Variants in KIAA0232 observed in about 807,000 individuals in gnomAD.
KIAA0232 encodes the protein KIAA0232.
A neutral mutation model predicts 122.0 loss-of-function variants in KIAA0232; 27 were observed. That is an observed-to-expected ratio of 0.22 (90% CI 0.16 to 0.31). KIAA0232 has a LOEUF of 0.31. Ranked by LOEUF, KIAA0232 falls within the 10% of genes least tolerant of loss-of-function variation. The pLI, the probability that KIAA0232 is intolerant of heterozygous loss-of-function variation, is 1.00. For missense variants in KIAA0232, 1,551 were observed against 1,634.2 expected, an observed-to-expected ratio of 0.95 and a Z score of 0.88; for synonymous variants, 613 against 587.6, an observed-to-expected ratio of 1.04 and a Z score of -0.63.
intron 2 of KIAA0232, among the ~76,000 whole-genome samples, chr4:6,820,334 T>C (rs1264371508): frequency 6.6e-6 from 1 of 152,218 alleles, no homozygotes; most frequent in Non-Finnish European, 1.5e-5. Flanking sequence ...CTGGCATGTT[T>C]AGGCTACATC....
intron 9 of KIAA0232, among the ~76,000 whole-genome samples, chr4:6,878,875 C>T (rs185294966): frequency 3.3e-5 from 5 of 152,286 alleles, no homozygotes; most frequent in Admixed American, 3.3e-4. Context: ...TCCTGCTGCC[C>T]ACTGACCTGT....
intron 1 of KIAA0232, among the ~76,000 whole-genome samples, chr4:6,792,317 T>C (rs1372528027): frequency 6.6e-6 from 1 of 152,208 alleles, no homozygotes; most frequent in African/African-American, 2.4e-5. Context: ...AACACAGTGC[T>C]ACAGTAAACA....
chr4:6,840,988 A>C (rs1719627624), intron 3 of KIAA0232, among the ~76,000 whole-genome samples: 1 of 152,224 alleles, frequency 6.6e-6, no homozygotes, highest in South Asian at 2.1e-4. Flanking sequence ...AAGCCTTAAA[A>C]AAACAGCATG....
At chr4:6,824,948 T>C (rs1718602949) in intron 3 of KIAA0232, among the ~76,000 whole-genome samples, 1 of 152,262 alleles carries the variant, frequency 6.6e-6, no homozygotes, top group Non-Finnish European at 1.5e-5. Context: ...GATCTTGTCA[T>C]GGACTGGTCA....
intron 2 of KIAA0232, among the ~76,000 whole-genome samples, chr4:6,821,129 G>A (rs1718401667): frequency 6.6e-6 from 1 of 152,216 alleles, no homozygotes; most frequent in Non-Finnish European, 1.5e-5. Flanking sequence ...TAAATCCATA[G>A]CATTTGCTGG....
At chr4:6,876,113 G>C (rs1225095506) in intron 8 of KIAA0232, among the ~76,000 whole-genome samples, 2 of 152,176 alleles carry the variant, frequency 1.3e-5, no homozygotes, top group African/African-American at 4.8e-5. Context: ...GGAATCGCTA[G>C]CACCATTTCT....
chr4:6,818,745 C>A (rs1178113573), intron 2 of KIAA0232, among the ~76,000 whole-genome samples: 1 of 151,092 alleles, frequency 6.6e-6, no homozygotes, highest in African/African-American at 2.4e-5. Flanking sequence ...TCGTGTGGAA[C>A]CAAAAAACAG....
chr4:6,857,649 A>G (rs1397018643), intron 5 of KIAA0232, among the ~76,000 whole-genome samples: 3 of 152,338 alleles, frequency 2.0e-5, no homozygotes, highest in Admixed American at 6.5e-5. Flanking sequence ...CATTAAATTA[A>G]GATGTTAAGA....
intron 2 of KIAA0232, among the ~76,000 whole-genome samples, chr4:6,809,620 G>GAAAAGAGGAGGTCAAATTAT (rs1165865651): frequency 1.6e-5 from 2 of 121,360 alleles, no homozygotes; most frequent in Non-Finnish European, 3.6e-5. Context: ...ATCCAAATTA[G>GAAAAGAGGAGGTCAAATTAT]AAAAGAGGAG....
chr4:6,858,503 A>G lies in KIAA0232; in HGVS notation c.515A>G (p.Glu172Gly). The change falls in exon 6 of 10, where the codon GAA becomes GGA. Residue 172 changes from glutamate (E) to glycine (G), a missense_variant. By Grantham distance (98) the Glu-to-Gly change is moderately conservative (BLOSUM62 -2). This residue lies in a region of KIAA0232 where 377 missense variants were observed against 381.7 expected (regional missense o/e 0.99). Coordinates refer to ENST00000307659, the MANE Select transcript of KIAA0232 (RefSeq NM_014743.3). Reference sequence around the variant, plus strand: ...TCCCCTCCAGCAAAGGATCAAGTGGAAATGTATGTAAGATTGTATTCGGTA... The same window carrying G: ...TCCCCTCCAGCAAAGGATCAAGTGGGAATGTATGTAAGATTGTATTCGGTA... Reference protein sequence around the residue: ...ELSPPAKDQVEMYYEAFPPLS... With the variant: ...ELSPPAKDQVGMYYEAFPPLS... 6.3e-7 allele frequency: 1 copy of G among 1,593,796 alleles called. No homozygotes were observed. The highest frequency in any genetic ancestry group is 8.6e-7 in the Non-Finnish European group (1 of 1,164,958).
intron 2 of KIAA0232, among the ~76,000 whole-genome samples, chr4:6,808,532 A>G (rs533651491): frequency 6.6e-6 from 1 of 150,664 alleles, no homozygotes; most frequent in African/African-American, 2.4e-5. Flanking sequence ...GTTGCTTTAC[A>G]TAAGGCGAAA....
chr4:6,805,924 ATTT>A (rs897900102), intron 2 of KIAA0232, among the ~76,000 whole-genome samples: 1 of 151,912 alleles, frequency 6.6e-6, no homozygotes, highest in African/African-American at 2.4e-5. Context: ...TTTTCCAACA[ATTT>A]TTCCAAAAGC....
intron 9 of KIAA0232, among the ~76,000 whole-genome samples, chr4:6,880,365 C>T (rs1056338550): frequency 6.7e-6 from 1 of 148,474 alleles, no homozygotes; most frequent in African/African-American, 2.5e-5. Context: ...CCAACACACC[C>T]GTCTGCAGTG....
rs199816139 is a variant in KIAA0232, at chr4:6,863,446, C to T, written c.3064C>T (p.Leu1022=). ...TTCTTTTATCTTCCATGAAGACTTA[C>T]TAGGAGCTTGTGGCAACTTTCAAGT... ...GFSFIFHEDL[L]GACGNFQVED... Residue 1022 remains leucine (L), a synonymous_variant, in exon 7 of 10, where the codon CTA becomes TTA. Transcript: ENST00000307659. The T allele has an allele frequency of 3.2e-5, 51 of 1,614,156 alleles. No individual in the cohort carries two copies. In the African/African-American group the frequency reaches 6.1e-4, roughly 19 times the overall value.
Position 6,863,991 on chromosome 4 carries a change from A to C in KIAA0232, c.3609A>C (p.Ser1203=). The change falls in exon 7 of 10, where the codon TCA becomes TCC. Residue 1203 remains serine (S), a synonymous_variant. Coordinates refer to ENST00000307659, the MANE Select transcript of KIAA0232 (RefSeq NM_014743.3). ...AGGAGGAATCAACTGGGATTCTTTC[A>C]GTAGGAAAGCAAAATCAGTGTTTGG... ...DSQEESTGIL[S]VGKQNQCLEC... 1 of 1,614,158 alleles carries C rather than the reference A, an allele frequency of 6.2e-7. No individual in the cohort carries two copies. Among genetic ancestry groups the C allele is most frequent in the Non-Finnish European group, 8.5e-7 (1 of 1,179,994 alleles).
chr4:6,875,124 A>C (rs1227872292), intron 8 of KIAA0232, among the ~76,000 whole-genome samples: 1 of 152,220 alleles, frequency 6.6e-6, no homozygotes, highest in African/African-American at 2.4e-5. Context: ...GGTTCCTCCC[A>C]GCCTCAGCAG....
intron 1 of KIAA0232, among the ~76,000 whole-genome samples, chr4:6,783,306 C>T (rs1018913771): frequency 6.6e-6 from 1 of 152,226 alleles, no homozygotes; most frequent in East Asian, 1.9e-4. Context: ...GCTTGCGGCT[C>T]TTGCGCCCGG....
Position 6,862,181 on chromosome 4 carries a change from A to G in KIAA0232, c.1799A>G (p.Asp600Gly). The G allele has an allele frequency of 6.2e-7, 1 of 1,614,164 alleles. No individual in the cohort carries two copies. Among genetic ancestry groups the G allele is most frequent in the Non-Finnish European group, 8.5e-7 (1 of 1,180,036 alleles). ...GAGTGCTGTTCATCCAGCTCCGGTG[A>G]TGCTGATGGGGAGAGTTTTGGAGGA... ...FWECCSSSSG[D>G]ADGESFGGDS... The change falls in exon 7 of 10, where the codon GAT becomes GGT. Residue 600 changes from aspartate (D) to glycine (G), a missense_variant. Transcript: ENST00000307659.
At chr4:6,868,307 G>A (rs542190092) in intron 7 of KIAA0232, among the ~76,000 whole-genome samples, 1 of 152,120 alleles carries the variant, frequency 6.6e-6, no homozygotes, top group East Asian at 1.9e-4. Context: ...TACCTGCTCG[G>A]CCAGGTACTA....
Sources: allele counts gnomAD v4.1 joint callset (sites outside exome capture counted in the v4.1 genomes callset), GRCh38; gene constraint gnomAD v4.1.1; regional missense constraint gnomAD v4.1.1; transcripts MANE v1.5; gene names NCBI Gene and HGNC (gene_info 2026-07-23, HGNC 2026-07-21).